Variants in CPA6 observed in about 807,000 individuals in gnomAD.
CPA6 encodes carboxypeptidase B.
Under a neutral mutation model 63.3 loss-of-function variants are expected in CPA6, and 58 were observed. The ratio of observed to expected loss-of-function variants is 0.92; its 90% confidence interval spans 0.74 to 1.14. CPA6 has a LOEUF of 1.14. CPA6 is among the 50% of genes most tolerant of loss of function. The pLI, the probability that CPA6 is intolerant of heterozygous loss-of-function variation, is 0.00. For missense variants in CPA6, 565 were observed against 526.6 expected, an observed-to-expected ratio of 1.07 and a Z score of -0.71; for synonymous variants, 185 against 179.0, an observed-to-expected ratio of 1.03 and a Z score of -0.27.
intron 1 of CPA6, among the ~76,000 whole-genome samples, chr8:67,632,249 TAACC>T (rs1815357468): frequency 6.6e-6 from 1 of 151,964 alleles, no homozygotes; most frequent in Non-Finnish European, 1.5e-5. Context: ...CAGCTCACTG[TAACC>T]TCGAACTTGT....
chr8:67,744,770 G>A (rs118065060), intron 1 of CPA6, among the ~76,000 whole-genome samples: 612 of 152,150 alleles, frequency 4.0e-3, no homozygotes, highest in South Asian at 0.013. Flanking sequence ...GTATGTCCAG[G>A]CCAAAAGGCA....
chr8:67,527,400 T>C (rs991386203), intron 2 of CPA6, among the ~76,000 whole-genome samples: 2 of 152,214 alleles, frequency 1.3e-5, no homozygotes, highest in Non-Finnish European at 2.9e-5. Context: ...ATAAAGCTCA[T>C]CTTTGGTTTA....
chr8:67,455,663 C>CAAAAAAAAAAA lies in CPA6; in HGVS notation c.839-21434_839-21424dup, dbSNP rs552041509. Among the ~76,000 whole-genome samples the CAAAAAAAAAAA allele has an allele frequency of 4.6e-3, 140 of 30,260 alleles. 6 individuals carry two copies. Among genetic ancestry groups the CAAAAAAAAAAA allele is most frequent in the East Asian group, 6.5e-3 (5 of 772 alleles). 19.9% of individuals were successfully genotyped at this position (30,260 alleles called of 152,430 possible). A position where few individuals can be genotyped will look rare whatever the true frequency, so the allele number is the denominator to read the frequency against. ...TAGTGAAGCCCCTTCTCTACAAAAG[C>CAAAAAAAAAAA]AAAAAAAAAAAAAAAAAAAAAAAAA... On this transcript the variant is annotated intron_variant, in intron 8 of 10. Coordinates refer to ENST00000297770, the MANE Select transcript of CPA6 (RefSeq NM_020361.5).
intron 2 of CPA6, chr8:67,569,790 AG>A (rs1813438221): frequency 4.9e-6 from 1 of 203,564 alleles, no homozygotes; most frequent in Non-Finnish European, 1.0e-5. Context: ...TTTTAAGGGA[AG>A]CTGAGATTGA....
At chr8:67,733,846 CTTTTTTTT>C (rs10696053) in intron 1 of CPA6, among the ~76,000 whole-genome samples, 4 of 94,930 alleles carry the variant, frequency 4.2e-5, no homozygotes, top group Non-Finnish European at 7.8e-5. Context: ...GCTGCATCGT[CTTTTTTTT>C]TTTTTTTTTT....
chr8:67,490,252 C>T (rs78611249), intron 6 of CPA6, among the ~76,000 whole-genome samples: 65 of 152,278 alleles, frequency 4.3e-4, no homozygotes, highest in African/African-American at 1.5e-3. Flanking sequence ...ATATGATAAA[C>T]ATGAAGAACA....
intron 9 of CPA6, among the ~76,000 whole-genome samples, chr8:67,431,782 G>C (rs1434061411): frequency 1.3e-5 from 2 of 151,820 alleles, no homozygotes; most frequent in African/African-American, 4.9e-5. Flanking sequence ...TAGTTCTAAA[G>C]AGGTGGAATT....
At chr8:67,623,363 A>G (rs974553887) in intron 2 of CPA6, among the ~76,000 whole-genome samples, 2 of 152,304 alleles carry the variant, frequency 1.3e-5, no homozygotes, top group Middle Eastern at 3.4e-3. Flanking sequence ...TTTACATTCT[A>G]CCTTGGAGAT....
At chr8:67,709,038 G>T (rs371089851) in intron 1 of CPA6, among the ~76,000 whole-genome samples, 1 of 152,198 alleles carries the variant, frequency 6.6e-6, no homozygotes, top group Non-Finnish European at 1.5e-5. Context: ...AGTTGGGAAA[G>T]TGTGCTCAAG....
rs191286298 is a variant in CPA6 at position 67,454,884 on chromosome 8, A to C, written c.839-20644T>G. 1.8e-3 allele frequency among the ~76,000 whole-genome samples: 270 copies of C among 152,298 alleles called. 1 individual carries two copies. The highest frequency in any genetic ancestry group is 6.4e-3 in the African/African-American group (264 of 41,562). On this transcript the variant is annotated intron_variant, in intron 8 of 10. Transcript: ENST00000297770. ...AGGAGACAAGACATGCACACATGAG[A>C]AAATTAGAGAACAAGACAATGCCGG...
intron 2 of CPA6, among the ~76,000 whole-genome samples, chr8:67,588,407 T>C (rs1814007155): frequency 6.6e-6 from 1 of 152,188 alleles, no homozygotes; most frequent in Non-Finnish European, 1.5e-5. Context: ...TTCATTCTTT[T>C]AATTCTCAAG....
chr8:67,549,150 TAA>T (rs771826219), intron 2 of CPA6, among the ~76,000 whole-genome samples: 1 of 152,198 alleles, frequency 6.6e-6, no homozygotes, highest in Non-Finnish European at 1.5e-5. Flanking sequence ...AGAAGGCTTT[TAA>T]AAATGAGAGC....
chr8:67,481,403 T>C (rs1330213693), intron 8 of CPA6, among the ~76,000 whole-genome samples: 4 of 152,206 alleles, frequency 2.6e-5, no homozygotes, highest in African/African-American at 7.2e-5. Context: ...TTCAGACCAG[T>C]GATATTCATC....
At chr8:67,526,028 T>A (rs1287983246) in intron 2 of CPA6, among the ~76,000 whole-genome samples, 3 of 151,386 alleles carry the variant, frequency 2.0e-5, no homozygotes, top group Non-Finnish European at 4.4e-5. Context: ...TGCAACCCCC[T>A]TCCCCCTCGC....
chr8:67,578,286 C>T (rs772509426), intron 2 of CPA6, among the ~76,000 whole-genome samples: 2 of 152,126 alleles, frequency 1.3e-5, no homozygotes, highest in Admixed American at 6.5e-5. Context: ...ACAAATAATG[C>T]AGTATATCAG....
chr8:67,606,662 G>A (rs1340930164), intron 2 of CPA6, among the ~76,000 whole-genome samples: 2 of 152,122 alleles, frequency 1.3e-5, no homozygotes, highest in Admixed American at 6.5e-5. Flanking sequence ...CTGTCTCTGC[G>A]GGCATGACAA....
At chr8:67,473,275 G>A (rs1208798441) in intron 8 of CPA6, among the ~76,000 whole-genome samples, 2 of 152,320 alleles carry the variant, frequency 1.3e-5, no homozygotes, top group Non-Finnish European at 2.9e-5. Context: ...ATGAGACAGA[G>A]GAGTGCTGAA....
chr8:67,699,949 G>A (rs1343776664), intron 1 of CPA6, among the ~76,000 whole-genome samples: 1 of 152,136 alleles, frequency 6.6e-6, no homozygotes, highest in Non-Finnish European at 1.5e-5. Context: ...CTCTACAATT[G>A]TATGTAAAAT....
At chr8:67,733,213 A>AT (rs1817745454) in intron 1 of CPA6, among the ~76,000 whole-genome samples, 2 of 130,774 alleles carry the variant, frequency 1.5e-5, no homozygotes, top group Admixed American at 7.7e-5. Flanking sequence ...AAAAAAAAAA[A>AT]AAAAAAAAAA....
Sources: gnomAD v4.1 joint callset for allele counts (sites outside exome capture counted in the v4.1 genomes callset) on GRCh38, gnomAD v4.1.1 for gene constraint, MANE v1.5 for transcripts, NCBI Gene and HGNC (gene_info 2026-07-23, HGNC 2026-07-21) for gene names.